NPLOC4: variants seen among roughly 807,000 people sequenced by gnomAD.
The protein encoded by NPLOC4 is NPL4 homolog, ubiquitin recognition factor.
A neutral mutation model predicts 80.6 loss-of-function variants in NPLOC4; 18 were observed. The observed-to-expected ratio is 0.22, with a 90% CI of 0.15 to 0.33. The LOEUF is 0.33. Ranked by LOEUF, NPLOC4 falls within the 10% of genes least tolerant of loss-of-function variation. The pLI is 1.00. For synonymous variants in NPLOC4, 313 were observed against 301.5 expected (o/e 1.04, Z -0.39); for missense variants, 540 against 786.1 (o/e 0.69, Z 3.74).
chr17:81,626,569 C>A (rs954371333), intron 2 of NPLOC4, among the ~76,000 whole-genome samples: 2 of 152,032 alleles, frequency 1.3e-5, no homozygotes, highest in Non-Finnish European at 2.9e-5. Context: ...CCAGGCACCG[C>A]GGCTCCCGCC....
chr17:81,628,450 T>G (rs977654957), intron 2 of NPLOC4, among the ~76,000 whole-genome samples: 2 of 151,524 alleles, frequency 1.3e-5, no homozygotes, highest in African/African-American at 4.9e-5. Context: ...GAGGCAGAGG[T>G]TGCAGTGAGC....
intron 15 of NPLOC4, 23 bp from the exon 16 acceptor site, chr17:81,565,630 T>C: frequency 6.6e-7 from 1 of 1,522,292 alleles, no homozygotes; most frequent in Non-Finnish European, 8.8e-7. Flanking sequence ...AAAAGGAAGG[T>C]TCCTCTTCGC....
chr17:81,588,799 G>T, intron 12 of NPLOC4, 145 bp downstream of exon 12: 2 of 659,682 alleles, frequency 3.0e-6, no homozygotes, highest in Non-Finnish European at 5.1e-6. Context: ...CCCCAGAAAC[G>T]TGACAGAAGC....
intron 3 of NPLOC4, among the ~76,000 whole-genome samples, chr17:81,619,794 G>A (rs1236798932): frequency 2.7e-5 from 4 of 150,770 alleles, no homozygotes; most frequent in Admixed American, 2.0e-4. Flanking sequence ...CAGGAGAATC[G>A]CTTGAACCTG....
chr17:81,621,768 A>G lies in NPLOC4; in HGVS notation c.209+398T>C, dbSNP rs557779712. Reference sequence around the variant, plus strand: ...GAAGGTCCTGAATGACCAACTCTACAGGGTGGCATGGGCCACTGCAGTGGC... The same window carrying G: ...GAAGGTCCTGAATGACCAACTCTACGGGGTGGCATGGGCCACTGCAGTGGC... On this transcript the variant is annotated intron_variant, in intron 3 of 16. Transcript: ENST00000331134. Among the ~76,000 whole-genome samples the G allele has an allele frequency of 2.6e-4, 40 of 152,288 alleles. No individual in the cohort carries two copies. In the South Asian group the frequency reaches 7.7e-3, roughly 29 times the overall value.
chr17:81,563,812 A>G, intron 16 of NPLOC4: 1 of 385,682 alleles, frequency 2.6e-6, no homozygotes, highest in South Asian at 1.9e-5. Context: ...TTGCAGCAAC[A>G]TGGATGCAGT....
chr17:81,590,254 C>T (rs2034702971), intron 11 of NPLOC4, among the ~76,000 whole-genome samples: 1 of 152,214 alleles, frequency 6.6e-6, no homozygotes, highest in Non-Finnish European at 1.5e-5. Context: ...ACTGCCCACC[C>T]CATCCTTCTC....
intron 7 of NPLOC4, among the ~76,000 whole-genome samples, chr17:81,605,810 A>T (rs1474361267): frequency 6.8e-6 from 1 of 146,722 alleles, no homozygotes; most frequent in African/African-American, 2.4e-5. Context: ...TAGGGCAAAA[A>T]ACAAACACAT....
At chr17:81,633,127 CAA>C (rs57190405) in intron 1 of NPLOC4, among the ~76,000 whole-genome samples, 6 of 105,828 alleles carry the variant, frequency 5.7e-5, no homozygotes, top group African/African-American at 3.5e-5. Flanking sequence ...GACTCCGTCT[CAA>C]AAAAAAAAAA....
chr17:81,605,629 C>T (rs1200453979), intron 7 of NPLOC4, among the ~76,000 whole-genome samples: 1 of 149,078 alleles, frequency 6.7e-6, no homozygotes, highest in African/African-American at 2.5e-5. Flanking sequence ...GCCTGGGCTA[C>T]GGAGTGAGAC....
At chr17:81,604,448 G>A (rs2035144738) in intron 8 of NPLOC4, 100 bp downstream of exon 8, 1 of 1,083,154 alleles carries the variant, frequency 9.2e-7, no homozygotes. Context: ...GACAAAGGGG[G>A]AACAAACAAC....
chr17:81,631,587 G>T (rs1013019394), intron 1 of NPLOC4, among the ~76,000 whole-genome samples: 1 of 151,816 alleles, frequency 6.6e-6, no homozygotes, highest in African/African-American at 2.4e-5. Flanking sequence ...ATCATGCCTG[G>T]CCAACAGCAC....
intron 16 of NPLOC4, 127 bp downstream of exon 16, chr17:81,565,378 G>A (rs1013856494): frequency 3.8e-5 from 32 of 840,826 alleles, no homozygotes; most frequent in African/African-American, 1.5e-4. Context: ...TTGCATTGCC[G>A]ATGGCACCTG....
intron 11 of NPLOC4, among the ~76,000 whole-genome samples, chr17:81,594,787 A>C (rs1437207941): frequency 4.0e-5 from 6 of 151,870 alleles, no homozygotes; most frequent in African/African-American, 1.5e-4. Flanking sequence ...GAAAAAAAAA[A>C]AATTAAAAAT....
intron 6 of NPLOC4, among the ~76,000 whole-genome samples, chr17:81,607,909 G>A (rs1346497065): frequency 6.6e-6 from 1 of 152,220 alleles, no homozygotes; most frequent in Non-Finnish European, 1.5e-5. Flanking sequence ...GCTGACTTCA[G>A]TTCAGCCACC....
chr17:81,610,758 C>A (rs2035319985), intron 4 of NPLOC4, among the ~76,000 whole-genome samples: 1 of 39,412 alleles, frequency 2.5e-5, no homozygotes, highest in African/African-American at 6.4e-5. Flanking sequence ...CGAGACCATC[C>A]TGGCTAACAA....
Position 81,569,051 on chromosome 17 carries a change from G to A in NPLOC4, c.1414C>T (p.Pro472Ser). 1 of 1,613,012 alleles carries A rather than the reference G, an allele frequency of 6.2e-7. No homozygotes were observed. The highest frequency in any genetic ancestry group is 8.5e-7 in the Non-Finnish European group (1 of 1,178,990). Residue 472 changes from proline (P) to serine (S), a missense_variant, in exon 14 of 17, where the codon CCT becomes TCT. Around this residue, in one of 6 missense-constraint regions of NPLOC4, gnomAD observed 251 missense variants for 377.5 expected, o/e 0.66. Transcript: ENST00000331134. The part of the protein sequence containing the change: ...YTFSISQNPF[P>S]IENRDVLGET... ...CCCAATACATCCCGGTTTTCAATAG[G>A]AAATGGATTTTGCGAAATAGAAAAA...
intron 12 of NPLOC4, among the ~76,000 whole-genome samples, chr17:81,578,339 C>T (rs893140339): frequency 1.8e-4 from 28 of 152,252 alleles, no homozygotes; most frequent in Admixed American, 5.2e-4. Context: ...GCCACCTCGG[C>T]GCACCCTGCT....
Position 81,559,368 on chromosome 17 carries a change from C to T in NPLOC4, c.1718G>A (p.Gly573Glu), listed in dbSNP as rs2143997515. 1 of 1,609,106 alleles carries T rather than the reference C, an allele frequency of 6.2e-7. No individual in the cohort carries two copies. The highest frequency in any genetic ancestry group is 8.5e-7 in the Non-Finnish European group (1 of 1,178,122). The change falls in exon 17 of 17, where the codon GGG (glycine) becomes GAG (glutamate). Residue 573 changes from glycine (G) to glutamate (E), a missense_variant. Coordinates refer to ENST00000331134, the MANE Select transcript of NPLOC4 (RefSeq NM_017921.4). The stretch of plus-strand genomic sequence containing the variant: ...TGCAGTGGCCGTGTGTGTGGAGCCC[C>T]CGACGGCGCCGTACTCATGGAGACC... ...LPGLHEYGAV[G>E]GSTHTATAAM...
Sources: gnomAD v4.1 joint callset for allele counts (sites outside exome capture counted in the v4.1 genomes callset) on GRCh38, gnomAD v4.1.1 for gene constraint, gnomAD v4.1.1 regional missense constraint, MANE v1.5 for transcripts, NCBI Gene and HGNC (gene_info 2026-07-23, HGNC 2026-07-21) for gene names.